The following CPED1 variants were observed in gnomAD, a reference collection of about 807,000 sequenced individuals.
The protein encoded by CPED1 is cadherin like and PC-esterase domain containing 1.
A neutral mutation model predicts 128.2 loss-of-function variants in CPED1; 114 were observed. That is an observed-to-expected ratio of 0.89 (90% CI 0.76 to 1.04). The LOEUF (loss-of-function observed/expected upper bound fraction) is 1.04. Ranked by LOEUF, CPED1 falls within the 50% of genes least tolerant of loss-of-function variation. The probability of loss-of-function intolerance (pLI) is 0.00; values close to 1 mark genes in which losing one functional copy is unlikely to be tolerated. For missense variants in CPED1, 1,211 were observed against 1,207.1 expected (o/e 1.00, Z -0.05); for synonymous variants, 462 against 426.7 (o/e 1.08, Z -1.02).
At chr7:121,099,110 A>G (rs899112950) in intron 6 of CPED1, among the ~76,000 whole-genome samples, 18 of 151,286 alleles carry the variant, frequency 1.2e-4, no homozygotes, top group Admixed American at 1.2e-3. Context: ...ACTAGTGGGG[A>G]AAGTATTTTC....
rs571346454 is a variant in CPED1, at chr7:121,052,884, A to AT, written c.540+5899dup. 5.3e-5 allele frequency among the ~76,000 whole-genome samples: 8 copies of AT among 151,652 alleles called. No homozygotes were observed. The East Asian group carries it at 1.2e-3, about 22-fold the overall frequency. On this transcript the variant is annotated intron_variant, in intron 4 of 22. Coordinates refer to ENST00000310396, the MANE Select transcript of CPED1 (RefSeq NM_024913.5). ...TTACAGGCATGCATCACCACACCTA[A>AT]TTTTTTTTATTTTTAGTAGAGACTG...
At chr7:121,230,074 T>G (rs1406059595) in intron 16 of CPED1, among the ~76,000 whole-genome samples, 1 of 152,008 alleles carries the variant, frequency 6.6e-6, no homozygotes, top group Non-Finnish European at 1.5e-5. Flanking sequence ...GAAGATGACG[T>G]TAGCAACAAC....
At chr7:121,067,759 C>G (rs1407636126) in intron 5 of CPED1, among the ~76,000 whole-genome samples, 2 of 152,064 alleles carry the variant, frequency 1.3e-5, no homozygotes, top group African/African-American at 4.8e-5. Flanking sequence ...ATTTCTCCAC[C>G]TCCTCTCTAG....
intron 17 of CPED1, among the ~76,000 whole-genome samples, chr7:121,241,555 T>TATGTAAGAC (rs1488466026): frequency 1.3e-5 from 2 of 152,020 alleles, no homozygotes; most frequent in Non-Finnish European, 2.9e-5. Flanking sequence ...TAGCAGACCC[T>TATGTAAGAC]CGTTTTCTCC....
At chr7:121,173,978 G>T (rs1429589153) in intron 16 of CPED1, among the ~76,000 whole-genome samples, 1 of 152,068 alleles carries the variant, frequency 6.6e-6, no homozygotes, top group African/African-American at 2.4e-5. Context: ...TTTCTCTAAT[G>T]ATCAGTGATA....
At chr7:121,275,081 T>C (rs1171007116) in intron 22 of CPED1, among the ~76,000 whole-genome samples, 2 of 152,088 alleles carry the variant, frequency 1.3e-5, no homozygotes, top group East Asian at 3.9e-4. Flanking sequence ...CACAATAGAT[T>C]CAAGGATACC....
At chr7:121,053,591 A>C (rs1158573343) in intron 4 of CPED1, among the ~76,000 whole-genome samples, 1 of 152,140 alleles carries the variant, frequency 6.6e-6, no homozygotes, top group African/African-American at 2.4e-5. Context: ...TTGGGAGATA[A>C]TATTTTGAGA....
chr7:121,283,179 G>T lies in CPED1; in HGVS notation c.2868+11749G>T, dbSNP rs543978669. Reference sequence around the variant, plus strand: ...TAATCTCACACAATTAAAAGTATTAGGACCACATTTATGGTCACTGGATTT... The same window carrying T: ...TAATCTCACACAATTAAAAGTATTATGACCACATTTATGGTCACTGGATTT... On this transcript the variant is annotated intron_variant, in intron 22 of 22. Coordinates refer to ENST00000310396, the MANE Select transcript of CPED1 (RefSeq NM_024913.5). Among the ~76,000 whole-genome samples the T allele has an allele frequency of 4.5e-4, 68 of 152,192 alleles. 1 individual carries two copies. The East Asian group carries it at 0.01, about 23-fold the overall frequency.
chr7:121,153,933 TC>T (rs1796219491), intron 16 of CPED1, among the ~76,000 whole-genome samples: 1 of 152,232 alleles, frequency 6.6e-6, no homozygotes, highest in Non-Finnish European at 1.5e-5. Flanking sequence ...TAGATCCTAG[TC>T]TATTTTATCA....
In CPED1 at chr7:121,197,666, T is replaced by C. The variant is rs1797301413; in HGVS notation, c.2056-39048T>C. The stretch of plus-strand genomic sequence containing the variant: ...GTGTGTTTGTGCATGCGCATGTATG[T>C]GCTTAATAGAGGTAACAGTAGAAGA... On this transcript the variant is annotated intron_variant, in intron 16 of 22. Coordinates refer to ENST00000310396, the MANE Select transcript of CPED1 (RefSeq NM_024913.5). Among the ~76,000 whole-genome samples the C allele has an allele frequency of 2.6e-5, 4 of 152,072 alleles. No individual in the cohort carries two copies. The South Asian group carries it at 8.3e-4, about 32-fold the overall frequency.
At chr7:121,278,486 G>T (rs766406720) in intron 22 of CPED1, among the ~76,000 whole-genome samples, 2 of 152,154 alleles carry the variant, frequency 1.3e-5, no homozygotes, top group African/African-American at 2.4e-5. Flanking sequence ...TTCACATTCG[G>T]TGTTGTCATT....
intron 18 of CPED1, among the ~76,000 whole-genome samples, chr7:121,257,564 C>A (rs1039802747): frequency 3.3e-5 from 5 of 151,912 alleles, no homozygotes; most frequent in Non-Finnish European, 7.4e-5. Flanking sequence ...CAGGTGTATA[C>A]ACTCATATTT....
chr7:121,174,418 C>A (rs1796728800), intron 16 of CPED1, among the ~76,000 whole-genome samples: 1 of 151,856 alleles, frequency 6.6e-6, no homozygotes, highest in Non-Finnish European at 1.5e-5. Context: ...AGGAAGGGGT[C>A]CAATTTCAAT....
At chr7:121,064,433 TCA>T in intron 5 of CPED1, 120 bp downstream of exon 5, 2 of 675,126 alleles carry the variant, frequency 3.0e-6, no homozygotes, top group South Asian at 3.6e-5. Context: ...AATTCGGCAA[TCA>T]CAGATCTTCC....
intron 16 of CPED1, among the ~76,000 whole-genome samples, chr7:121,204,579 A>T (rs79211787): frequency 4.1e-4 from 62 of 152,258 alleles, no homozygotes; most frequent in African/African-American, 1.4e-3. Context: ...GAACCTGAAC[A>T]GTGTCCACAT....
chr7:121,088,014 G>T (rs906362323), intron 5 of CPED1, among the ~76,000 whole-genome samples: 23 of 152,080 alleles, frequency 1.5e-4, no homozygotes, highest in Non-Finnish European at 2.5e-4. Context: ...TATTGAAAAT[G>T]AATGTGACAT....
At position 121,169,377 on chromosome 7, in the gene CPED1, T is replaced by C. The variant is rs190774701; in HGVS notation, c.2055+27236T>C. On this transcript the variant is annotated intron_variant, in intron 16 of 22. Coordinates refer to ENST00000310396, the MANE Select transcript of CPED1 (RefSeq NM_024913.5). ...TTGATCCTATTTCCCGTTTTAAAAA[T>C]GTATTTTTGTTTTCAATGGAATTTT... Among the ~76,000 whole-genome samples, 583 of 152,308 alleles carry C rather than the reference T, an allele frequency of 3.8e-3. 4 individuals are homozygous for C. Among genetic ancestry groups the C allele is most frequent in the Middle Eastern group, 0.02 (6 of 294 alleles).
intron 5 of CPED1, among the ~76,000 whole-genome samples, chr7:121,065,367 G>C (rs1397196977): frequency 6.6e-6 from 1 of 152,004 alleles, no homozygotes; most frequent in African/African-American, 2.4e-5. Flanking sequence ...GTAAACTCTA[G>C]CTGGAGAGTT....
At position 121,295,712 on chromosome 7, in the gene CPED1, C is replaced by A; in HGVS notation, c.*60C>A. 6.9e-7 allele frequency: 1 copy of A among 1,458,668 alleles called. No individual in the cohort carries two copies. The highest frequency in any genetic ancestry group is 9.6e-7 in the Non-Finnish European group (1 of 1,043,942). The allele number at this position is 1,458,668 out of a possible 1,614,324, so 90.4% of individuals were successfully genotyped here. A position where few individuals can be genotyped will look rare whatever the true frequency, so the allele number is the denominator to read the frequency against. ...ACGAGCTAGTCACCCGGACAATGGT[C>A]TAGGAGCCAAGCGCTGCACATCGCA... On this transcript the variant is annotated 3_prime_UTR_variant, in exon 23 of 23. Coordinates refer to ENST00000310396, the MANE Select transcript of CPED1 (RefSeq NM_024913.5).
Sources: allele counts gnomAD v4.1 joint callset (sites outside exome capture counted in the v4.1 genomes callset), GRCh38; gene constraint gnomAD v4.1.1; transcripts MANE v1.5; gene names NCBI Gene and HGNC (gene_info 2026-07-23, HGNC 2026-07-21).